DPYD: variants seen among roughly 807,000 people sequenced by gnomAD.
DPYD encodes dihydropyrimidine dehydrogenase.
A neutral mutation model predicts 116.2 loss-of-function variants in DPYD; 109 were observed. That is an observed-to-expected ratio of 0.94 (90% CI 0.80 to 1.10). DPYD has a LOEUF of 1.10. Among genes scored for constraint, DPYD ranks in the 50% least tolerant of loss-of-function variants. The pLI is 0.00. For synonymous variants in DPYD, 440 were observed against 432.0 expected (o/e 1.02, Z -0.23); for missense variants, 1,302 against 1,254.5 (o/e 1.04, Z -0.57).
At chr1:97,145,463 T>C (rs1654547978) in intron 20 of DPYD, among the ~76,000 whole-genome samples, 2 of 152,192 alleles carry the variant, frequency 1.3e-5, no homozygotes, top group Admixed American at 1.3e-4. Flanking sequence ...ACTGGTGAAC[T>C]GTGGCCATTT....
intron 8 of DPYD, among the ~76,000 whole-genome samples, chr1:97,643,957 T>C (rs1010373352): frequency 9.9e-5 from 15 of 151,894 alleles, no homozygotes; most frequent in African/African-American, 3.1e-4. Flanking sequence ...AGGGGAGGGA[T>C]AGCATTAGGA....
In DPYD at chr1:97,236,637, G is replaced by A. The variant is rs1330237785; in HGVS notation, c.2300-1643C>T. Among the ~76,000 whole-genome samples the A allele has an allele frequency of 2.6e-5, 4 of 152,152 alleles. No homozygotes were observed. In the East Asian group the frequency reaches 5.8e-4, roughly 22 times the overall value. Reference sequence around the variant, plus strand: ...ATATATACTATAATGGTGGATGCATGTTGTTATACATTTACACACACACAC... The same window carrying A: ...ATATATACTATAATGGTGGATGCATATTGTTATACATTTACACACACACAC... On this transcript the variant is annotated intron_variant, in intron 18 of 22. Coordinates refer to ENST00000370192, the MANE Select transcript of DPYD (RefSeq NM_000110.4).
At chr1:97,703,049 A>C (rs1032548086) in intron 5 of DPYD, among the ~76,000 whole-genome samples, 1 of 152,032 alleles carries the variant, frequency 6.6e-6, no homozygotes, top group East Asian at 1.9e-4. Flanking sequence ...CTGCAGCTTA[A>C]GAGTTGTTCA....
At chr1:97,464,572 C>T (rs1677206313) in intron 13 of DPYD, among the ~76,000 whole-genome samples, 1 of 152,122 alleles carries the variant, frequency 6.6e-6, no homozygotes, top group Non-Finnish European at 1.5e-5. Context: ...CCCCAGCAAC[C>T]CCAGCCATGA....
intron 12 of DPYD, among the ~76,000 whole-genome samples, chr1:97,532,628 T>C (rs1049991501): frequency 6.6e-6 from 1 of 152,118 alleles, no homozygotes; most frequent in African/African-American, 2.4e-5. Flanking sequence ...TTTTTAGGAA[T>C]TTATCCACTT....
At chr1:97,132,876 G>A (rs994683295) in intron 20 of DPYD, among the ~76,000 whole-genome samples, 6 of 151,940 alleles carry the variant, frequency 3.9e-5, no homozygotes, top group Non-Finnish European at 5.9e-5. Context: ...ATACTTTAAA[G>A]AATTTCTTTT....
intron 20 of DPYD, among the ~76,000 whole-genome samples, chr1:97,170,429 T>C (rs1298402777): frequency 3.9e-5 from 6 of 152,142 alleles, no homozygotes; most frequent in Non-Finnish European, 1.5e-5. Flanking sequence ...TTATATGAAA[T>C]TGACACGACT....
Position 97,699,427 on chromosome 1 carries a change from A to T in DPYD, c.604T>A (p.Cys202Ser). Residue 202 changes from cysteine to serine, a missense_variant, in exon 6 of 23, where the codon TGT becomes AGT. Cys to Ser is a moderately radical substitution (Grantham distance 112). Coordinates refer to ENST00000370192, the MANE Select transcript of DPYD (RefSeq NM_000110.4). ...CCCAATCGAGCCAAAAAGGAAGCACAACTTATACTTGCAGGCCCAGCACCA... is the reference window on the plus strand; with the variant it reads ...CCCAATCGAGCCAAAAAGGAAGCACTACTTATACTTGCAGGCCCAGCACCA... ...LFGAGPASISCASFLARLGYS... is the reference protein window; with the variant it reads ...LFGAGPASISSASFLARLGYS... The T allele has an allele frequency of 6.2e-7, 1 of 1,613,750 alleles. No individual in the cohort carries two copies. The highest frequency in any genetic ancestry group is 8.5e-7 in the Non-Finnish European group (1 of 1,179,736).
At position 97,078,924 on chromosome 1, in the gene DPYD, T is replaced by C. The variant is rs370005502; in HGVS notation, c.*52A>G. ...ACACAAGGATCATGATTTTAAAAGATCAGCATATGTAGGTGACATGAAAGT... is the reference window on the plus strand; with the variant it reads ...ACACAAGGATCATGATTTTAAAAGACCAGCATATGTAGGTGACATGAAAGT... On this transcript the variant is annotated 3_prime_UTR_variant, in exon 23 of 23. Transcript: ENST00000370192. 4 of 1,588,436 alleles carry C rather than the reference T, an allele frequency of 2.5e-6. No homozygotes were observed. The highest frequency in any genetic ancestry group is 4.5e-5 in the East Asian group (2 of 44,716).
chr1:97,858,634 C>G (rs1372255332), intron 2 of DPYD, among the ~76,000 whole-genome samples: 2 of 151,858 alleles, frequency 1.3e-5, no homozygotes, highest in Admixed American at 6.6e-5. Flanking sequence ...TTTCTGTATA[C>G]CAAAGACTAA....
At chr1:97,787,363 T>C (rs1413748130) in intron 3 of DPYD, among the ~76,000 whole-genome samples, 5 of 152,170 alleles carry the variant, frequency 3.3e-5, no homozygotes, top group Non-Finnish European at 7.3e-5. Context: ...ATAAAGAAGT[T>C]TCAAGATGCT....
intron 2 of DPYD, among the ~76,000 whole-genome samples, chr1:97,864,703 AT>A (rs1330426229): frequency 2.6e-5 from 4 of 151,922 alleles, no homozygotes; most frequent in African/African-American, 9.7e-5. Flanking sequence ...GAAGGAAGGT[AT>A]CCACAGTGCC....
intron 21 of DPYD, among the ~76,000 whole-genome samples, chr1:97,094,749 T>C (rs192437089): frequency 6.6e-6 from 1 of 152,246 alleles, no homozygotes; most frequent in Admixed American, 6.5e-5. Flanking sequence ...GTTGAGTCAT[T>C]GTGTAGGAAA....
chr1:97,441,884 A>C (rs949701905), intron 14 of DPYD, among the ~76,000 whole-genome samples: 58 of 152,202 alleles, frequency 3.8e-4, no homozygotes, highest in African/African-American at 1.3e-3. Flanking sequence ...TTTGCTGGGC[A>C]TGACCAAAGC....
intron 5 of DPYD, among the ~76,000 whole-genome samples, chr1:97,711,410 G>A (rs977924416): frequency 1.3e-5 from 2 of 151,766 alleles, no homozygotes; most frequent in African/African-American, 2.4e-5. Context: ...GTAATTTATC[G>A]CATACAGTAC....
At chr1:97,322,988 T>C (rs1000783438) in intron 16 of DPYD, 5 of 151,814 alleles carry the variant, frequency 3.3e-5, no homozygotes, top group Admixed American at 6.6e-5. Flanking sequence ...TCTTATTCCA[T>C]TTCTACTTCT....
chr1:97,489,488 A>C (rs550189819), intron 13 of DPYD, among the ~76,000 whole-genome samples: 2 of 152,338 alleles, frequency 1.3e-5, no homozygotes, highest in East Asian at 3.9e-4. Context: ...GAAAATTTTC[A>C]TAAGATTGGC....
chr1:97,106,895 T>C (rs1651201600), intron 20 of DPYD, among the ~76,000 whole-genome samples: 1 of 152,102 alleles, frequency 6.6e-6, no homozygotes, highest in African/African-American at 2.4e-5. Context: ...ATATAACCAA[T>C]TGGCTGCATA....
At position 97,193,070 on chromosome 1, in the gene DPYD, T is replaced by C. The variant is rs1164428597; in HGVS notation, c.2621A>G (p.Lys874Arg). ...AACACAGGAGATTTAAGCACATACC[T>C]TGTCCATGAGTTCAGCTATACGTGG... is the stretch of plus-strand genomic sequence containing the variant. Reference protein sequence around the residue: ...PVPRIAELMDKKLPSFGPYLE... With the variant: ...PVPRIAELMDRKLPSFGPYLE... Residue 874 changes from lysine to arginine, a missense_variant and splice_region_variant, in exon 20 of 23, where the codon AAG becomes AGG. By Grantham distance (26) the Lys-to-Arg change is conservative. Transcript: ENST00000370192. 3.1e-6 allele frequency: 5 copies of C among 1,613,792 alleles called. No homozygotes were observed. Among genetic ancestry groups the C allele is most frequent in the Non-Finnish European group, 4.2e-6 (5 of 1,179,842 alleles).
Sources: gnomAD v4.1 joint callset for allele counts (sites outside exome capture counted in the v4.1 genomes callset) on GRCh38, gnomAD v4.1.1 for gene constraint, MANE v1.5 for transcripts, NCBI Gene and HGNC (gene_info 2026-07-23, HGNC 2026-07-21) for gene names.